ZNF385B: variants seen among roughly 807,000 people sequenced by gnomAD.
The protein encoded by ZNF385B is zinc finger protein 533.
In ZNF385B, 23 loss-of-function variants were observed where a neutral mutation model predicts 39.2. That is an observed-to-expected ratio of 0.59 (90% CI 0.42 to 0.83). ZNF385B has a LOEUF of 0.83. Among genes scored for constraint, ZNF385B ranks in the 40% least tolerant of loss-of-function variants. The pLI is 0.00. For missense variants in ZNF385B, 552 were observed against 598.9 expected (o/e 0.92, Z 0.82); for synonymous variants, 205 against 222.6 (o/e 0.92, Z 0.70).
intron 3 of ZNF385B, among the ~76,000 whole-genome samples, chr2:179,761,323 T>A (rs935126370): frequency 2.0e-5 from 3 of 152,208 alleles, no homozygotes; most frequent in Non-Finnish European, 4.4e-5. Context: ...AAATTATAGA[T>A]CAGTTTAAGG....
At chr2:179,776,863 G>C (rs1048717604) in intron 1 of ZNF385B, among the ~76,000 whole-genome samples, 5 of 152,116 alleles carry the variant, frequency 3.3e-5, no homozygotes, top group Non-Finnish European at 7.4e-5. Flanking sequence ...TAGGTAATAT[G>C]ATGGGCAAAC....
intron 3 of ZNF385B, among the ~76,000 whole-genome samples, chr2:179,646,139 G>C (rs1220597710): frequency 6.6e-6 from 1 of 152,222 alleles, no homozygotes; most frequent in Admixed American, 6.5e-5. Flanking sequence ...ACCTGGCTGA[G>C]TGTGGTGGCT....
intron 3 of ZNF385B, among the ~76,000 whole-genome samples, chr2:179,742,839 G>C (rs900731025): frequency 1.3e-5 from 2 of 151,942 alleles, no homozygotes; most frequent in African/African-American, 4.8e-5. Context: ...TTTGTAACTA[G>C]TCATTTTTAA....
intron 1 of ZNF385B, among the ~76,000 whole-genome samples, chr2:179,855,109 G>T (rs1369705015): frequency 6.6e-6 from 1 of 151,962 alleles, no homozygotes; most frequent in East Asian, 1.9e-4. Context: ...AAAAAAAGTG[G>T]AATATGGTCC....
At chr2:179,709,010 T>C (rs1309326183) in intron 3 of ZNF385B, among the ~76,000 whole-genome samples, 2 of 152,208 alleles carry the variant, frequency 1.3e-5, no homozygotes, top group African/African-American at 2.4e-5. Flanking sequence ...GAGAGGCGTT[T>C]GGCACATACC....
chr2:179,505,674 T>G (rs1434163818), intron 5 of ZNF385B, among the ~76,000 whole-genome samples: 2 of 152,136 alleles, frequency 1.3e-5, no homozygotes, highest in African/African-American at 4.8e-5. Context: ...AAGTTAGCAC[T>G]ACGTACCTCC....
intron 3 of ZNF385B, among the ~76,000 whole-genome samples, chr2:179,768,077 G>A (rs976888444): frequency 1.3e-5 from 2 of 151,672 alleles, no homozygotes; most frequent in African/African-American, 4.8e-5. Context: ...AGACTCCTGA[G>A]TAGCTGGGAT....
intron 1 of ZNF385B, among the ~76,000 whole-genome samples, chr2:179,778,834 G>T (rs1465941848): frequency 2.6e-5 from 4 of 152,134 alleles, no homozygotes; most frequent in Non-Finnish European, 4.4e-5. Context: ...GTGAACCACA[G>T]TTTGTTACAT....
At chr2:179,638,417 A>G (rs1328533808) in intron 3 of ZNF385B, among the ~76,000 whole-genome samples, 1 of 152,230 alleles carries the variant, frequency 6.6e-6, no homozygotes, top group African/African-American at 2.4e-5. Context: ...TGTTCTTGGT[A>G]GCAGTCCCGG....
At position 179,514,905 on chromosome 2, in the gene ZNF385B, A is replaced by C. The variant is rs201722531; in HGVS notation, c.552+3623T>G. Among the ~76,000 whole-genome samples, 10 of 152,044 alleles carry C rather than the reference A, an allele frequency of 6.6e-5. No homozygotes were observed. The East Asian group carries it at 1.9e-3, about 30-fold the overall frequency. On this transcript the variant is annotated intron_variant, in intron 5 of 9. Transcript: ENST00000410066. The stretch of plus-strand genomic sequence containing the variant: ...GCGATTCTCCTGCCTCAGCCTCCCA[A>C]GTAGCTGGGATTTCAGGTGTGCACA...
At chr2:179,816,816 T>G (rs1707098992) in intron 1 of ZNF385B, among the ~76,000 whole-genome samples, 1 of 152,212 alleles carries the variant, frequency 6.6e-6, no homozygotes, top group African/African-American at 2.4e-5. Context: ...TATACTGTAC[T>G]CTAATTGCCA....
intron 3 of ZNF385B, among the ~76,000 whole-genome samples, chr2:179,657,754 C>T (rs986695109): frequency 2.6e-5 from 4 of 152,116 alleles, no homozygotes; most frequent in African/African-American, 7.2e-5. Flanking sequence ...TAATTGTCTA[C>T]CATTTATTGG....
chr2:179,800,935 G>T (rs1010974786), intron 1 of ZNF385B, among the ~76,000 whole-genome samples: 2 of 152,008 alleles, frequency 1.3e-5, no homozygotes, highest in Non-Finnish European at 2.9e-5. Context: ...AGTTGCCAGT[G>T]GTTCCTTGAT....
intron 4 of ZNF385B, among the ~76,000 whole-genome samples, chr2:179,522,530 GTT>G: frequency 6.6e-6 from 1 of 152,022 alleles, no homozygotes; most frequent in African/African-American, 2.4e-5. Context: ...TCAAAACTAT[GTT>G]CTATATCATA....
chr2:179,774,055 T>TGTGA (rs1704165812), intron 1 of ZNF385B, among the ~76,000 whole-genome samples: 1 of 151,720 alleles, frequency 6.6e-6, no homozygotes, highest in African/African-American at 2.4e-5. Flanking sequence ...GATGTGTGGT[T>TGTGA]TGCGTGTGGG....
intron 4 of ZNF385B, among the ~76,000 whole-genome samples, chr2:179,528,497 T>C (rs1342569604): frequency 6.6e-6 from 1 of 152,240 alleles, no homozygotes; most frequent in African/African-American, 2.4e-5. Context: ...AACAGTTTTG[T>C]GTGAGGATAT....
chr2:179,744,969 C>A (rs1199242304), intron 3 of ZNF385B, among the ~76,000 whole-genome samples: 1 of 151,992 alleles, frequency 6.6e-6, no homozygotes, highest in Admixed American at 6.6e-5. Context: ...TACAAGGCTA[C>A]ATCAAACCTT....
At chr2:179,808,927 G>A (rs1260159013) in intron 1 of ZNF385B, among the ~76,000 whole-genome samples, 1 of 152,182 alleles carries the variant, frequency 6.6e-6, no homozygotes. Context: ...GGAAAAATAT[G>A]CCATAGGACA....
chr2:179,629,280 A>G (rs1343313998), intron 3 of ZNF385B, among the ~76,000 whole-genome samples: 1 of 152,222 alleles, frequency 6.6e-6, no homozygotes, highest in Non-Finnish European at 1.5e-5. Flanking sequence ...CCTACAGAGT[A>G]CTGTCAGCCA....
Sources: allele counts gnomAD v4.1 joint callset (sites outside exome capture counted in the v4.1 genomes callset), GRCh38; gene constraint gnomAD v4.1.1; transcripts MANE v1.5; gene names NCBI Gene and HGNC (gene_info 2026-07-23, HGNC 2026-07-21).